ARHGAP10: variants seen among roughly 807,000 people sequenced by gnomAD.
ARHGAP10 encodes the protein Rho GTPase activating protein 10.
ARHGAP10 carries 87 observed loss-of-function variants against 108.6 expected under a neutral mutation model. That is an observed-to-expected ratio of 0.80 (90% CI 0.67 to 0.96). The LOEUF (loss-of-function observed/expected upper bound fraction) is 0.96, where lower values mean the gene tolerates loss of function less well. Among genes scored for constraint, ARHGAP10 ranks in the 40% least tolerant of loss-of-function variants. The pLI is 0.00. For missense variants in ARHGAP10, 939 were observed against 954.5 expected (o/e 0.98, Z 0.21); for synonymous variants, 347 against 341.1 (o/e 1.02, Z -0.19).
chr4:147,971,558 T>A (rs765362448), intron 18 of ARHGAP10, among the ~76,000 whole-genome samples: 10 of 152,150 alleles, frequency 6.6e-5, no homozygotes, highest in Non-Finnish European at 1.2e-4. Context: ...TAATGGAGTT[T>A]GAACAGGTGG....
chr4:148,046,898 A>G lies in ARHGAP10; in HGVS notation c.1874A>G (p.Asn625Ser), dbSNP rs142479942. The G allele has an allele frequency of 3.7e-4, 605 of 1,613,418 alleles. 2 individuals carry two copies. In the African/African-American group the frequency reaches 4.7e-3, roughly 12 times the overall value. Residue 625 changes from asparagine to serine, a missense_variant, in exon 20 of 23, where the codon AAT becomes AGT. Transcript: ENST00000336498. ...NLCLELEDGD[N>S]PYPSKEDTPT... ...ATGCTTTTTTTCCTCCTAGGTGACA[A>G]TCCTTACCCTTCCAAGGAGGACACC...
intron 20 of ARHGAP10, among the ~76,000 whole-genome samples, chr4:148,051,518 A>G (rs1729138248): frequency 6.6e-6 from 1 of 152,048 alleles, no homozygotes; most frequent in Non-Finnish European, 1.5e-5. Flanking sequence ...GAAAAGGAAC[A>G]CCTCCTTTTC....
intron 1 of ARHGAP10, among the ~76,000 whole-genome samples, chr4:147,819,822 G>C (rs1732410201): frequency 6.6e-6 from 1 of 152,192 alleles, no homozygotes; most frequent in Non-Finnish European, 1.5e-5. Flanking sequence ...GCCTCCCAGA[G>C]TGCTGGGATT....
rs1578795851 is a variant in ARHGAP10, at chr4:148,018,599, T to C, written c.1717-4664T>C. ...AAAAAAAAAAAAAAGGCTTCAGAACTGGGGGCACTGGAAGACAAAGTAAAT... is the reference window on the plus strand; with the variant it reads ...AAAAAAAAAAAAAAGGCTTCAGAACCGGGGGCACTGGAAGACAAAGTAAAT... On this transcript the variant is annotated intron_variant, in intron 18 of 22. Transcript: ENST00000336498. Among the ~76,000 whole-genome samples, 3 of 148,248 alleles carry C rather than the reference T, an allele frequency of 2.0e-5. No individual in the cohort carries two copies. The South Asian group carries it at 6.3e-4, about 31-fold the overall frequency.
chr4:147,992,106 C>T (rs897184432), intron 18 of ARHGAP10, among the ~76,000 whole-genome samples: 8 of 152,146 alleles, frequency 5.3e-5, no homozygotes, highest in African/African-American at 1.7e-4. Context: ...ATGAAAAGTC[C>T]CTCAAAAGCG....
chr4:147,973,726 T>C (rs964502063), intron 18 of ARHGAP10, among the ~76,000 whole-genome samples: 3 of 152,188 alleles, frequency 2.0e-5, no homozygotes, highest in Non-Finnish European at 4.4e-5. Context: ...CATTCTGTTC[T>C]CTATCTTCAT....
At chr4:147,990,325 A>G (rs1475438549) in intron 18 of ARHGAP10, among the ~76,000 whole-genome samples, 2 of 152,224 alleles carry the variant, frequency 1.3e-5, no homozygotes, top group African/African-American at 2.4e-5. Flanking sequence ...CTAACTAAAC[A>G]TTTTGACGAA....
intron 3 of ARHGAP10, among the ~76,000 whole-genome samples, chr4:147,846,424 C>T (rs1733628607): frequency 1.3e-5 from 2 of 152,190 alleles, no homozygotes; most frequent in Admixed American, 6.5e-5. Flanking sequence ...CCACTACTCT[C>T]ACCACTATAT....
chr4:147,793,818 T>C (rs1275647273), intron 1 of ARHGAP10, among the ~76,000 whole-genome samples: 1 of 152,188 alleles, frequency 6.6e-6, no homozygotes, highest in East Asian at 1.9e-4. Flanking sequence ...CCTTTGTACA[T>C]TGATACGTAT....
intron 19 of ARHGAP10, among the ~76,000 whole-genome samples, chr4:148,036,023 AC>A (rs757317771): frequency 4.0e-5 from 6 of 151,266 alleles, no homozygotes; most frequent in Admixed American, 6.6e-5. Flanking sequence ...GTATTCCGTA[AC>A]CTATCTTTAC....
At chr4:147,982,263 A>AT (rs1198488068) in intron 18 of ARHGAP10, among the ~76,000 whole-genome samples, 1 of 149,724 alleles carries the variant, frequency 6.7e-6, no homozygotes, top group Non-Finnish European at 1.5e-5. Flanking sequence ...TACCTTTAAG[A>AT]TTTTTTCTTT....
chr4:147,763,373 G>A (rs1462086929), intron 1 of ARHGAP10, among the ~76,000 whole-genome samples: 3 of 150,054 alleles, frequency 2.0e-5, no homozygotes, highest in Admixed American at 6.6e-5. Flanking sequence ...GTGCAGTGGC[G>A]CAATCTCAGC....
intron 20 of ARHGAP10, among the ~76,000 whole-genome samples, 162 bp downstream of exon 20, chr4:148,047,213 C>G (rs1281125891): frequency 6.6e-6 from 1 of 152,192 alleles, no homozygotes; most frequent in Non-Finnish European, 1.5e-5. Context: ...GTCCTTAAAA[C>G]AGAGCCTTCC....
chr4:147,958,365 T>G (rs1738866184), intron 16 of ARHGAP10, among the ~76,000 whole-genome samples: 1 of 151,584 alleles, frequency 6.6e-6, no homozygotes, highest in Non-Finnish European at 1.5e-5. Context: ...CTTGTGTTGC[T>G]ATGTTCAGTG....
At chr4:147,857,475 A>T in intron 4 of ARHGAP10, 78 bp from the exon 5 acceptor site, 1 of 1,277,722 alleles carries the variant, frequency 7.8e-7, no homozygotes, top group Non-Finnish European at 1.0e-6. Context: ...GATATTTTTC[A>T]TAATTTGAGC....
In ARHGAP10 at chr4:147,797,320, C is replaced by T. The variant is rs557656141; in HGVS notation, c.155-25407C>T. On this transcript the variant is annotated intron_variant, in intron 1 of 22. Transcript: ENST00000336498. ...GGTCTTTACACTGACCCCAGCATGC[C>T]TTCTATGTTCCTCACCCTTCCACTG... 3.9e-5 allele frequency among the ~76,000 whole-genome samples: 6 copies of T among 152,234 alleles called. No homozygotes were observed. In the East Asian group the frequency reaches 1.2e-3, roughly 29 times the overall value.
chr4:147,790,948 A>G (rs940015049), intron 1 of ARHGAP10, among the ~76,000 whole-genome samples: 3 of 152,084 alleles, frequency 2.0e-5, no homozygotes, highest in Non-Finnish European at 4.4e-5. Flanking sequence ...TGTCCTTACC[A>G]TTCTATAAGT....
intron 19 of ARHGAP10, among the ~76,000 whole-genome samples, chr4:148,042,578 C>T (rs1014912650): frequency 6.6e-6 from 1 of 152,196 alleles, no homozygotes; most frequent in Non-Finnish European, 1.5e-5. Flanking sequence ...GCTGCACTCC[C>T]ACCTGTCTTT....
chr4:148,052,102 A>G (rs183944275), intron 20 of ARHGAP10, among the ~76,000 whole-genome samples: 1,566 of 152,318 alleles, frequency 0.01, 12 homozygotes, highest in South Asian at 0.019. Context: ...CCTAAAGTTC[A>G]GAAAAATAAT....
Sources: gnomAD v4.1 joint callset for allele counts (sites outside exome capture counted in the v4.1 genomes callset) on GRCh38, gnomAD v4.1.1 for gene constraint, MANE v1.5 for transcripts, NCBI Gene and HGNC (gene_info 2026-07-23, HGNC 2026-07-21) for gene names.